MGAT4C: variants seen among roughly 807,000 people sequenced by gnomAD.
MGAT4C encodes the protein MGAT4 family member C, also known as alpha-1,3-mannosyl-glycoprotein 4-beta-N-acetylglucosaminyltransferase C.
MGAT4C carries 19 observed loss-of-function variants against 40.1 expected under a neutral mutation model. The ratio of observed to expected loss-of-function variants is 0.47; its 90% confidence interval spans 0.33 to 0.70. MGAT4C has a LOEUF of 0.70. Among genes scored for constraint, MGAT4C ranks in the 30% least tolerant of loss-of-function variants. The probability of loss-of-function intolerance (pLI) is 0.02; values close to 1 mark genes in which losing one functional copy is unlikely to be tolerated. For missense variants in MGAT4C, 491 were observed against 563.2 expected, an observed-to-expected ratio of 0.87 and a Z score of 1.30; for synonymous variants, 181 against 187.1, an observed-to-expected ratio of 0.97 and a Z score of 0.27.
intron 2 of MGAT4C, among the ~76,000 whole-genome samples, chr12:86,537,985 G>A (rs1415538045): frequency 6.6e-6 from 1 of 152,186 alleles, no homozygotes; most frequent in Admixed American, 6.5e-5. Flanking sequence ...TACTCGGGAG[G>A]CTGAGGTAGG....
chr12:86,143,611 G>T (rs747097226), intron 1 of MGAT4C, among the ~76,000 whole-genome samples: 1 of 152,090 alleles, frequency 6.6e-6, no homozygotes, highest in African/African-American at 2.4e-5. Flanking sequence ...GGTACTTAAG[G>T]TTCTTTGCTG....
chr12:86,370,397 T>C (rs1209268478), intron 3 of MGAT4C, among the ~76,000 whole-genome samples: 3 of 152,180 alleles, frequency 2.0e-5, no homozygotes, highest in East Asian at 3.9e-4. Context: ...AGTGAGTATA[T>C]ACGATGTATG....
chr12:86,817,582 C>A (rs7484519), intron 1 of MGAT4C, among the ~76,000 whole-genome samples: 18,560 of 151,284 alleles, frequency 0.12, 1,279 homozygotes, highest in Non-Finnish European at 0.15. Flanking sequence ...AGAAATAGGC[C>A]TACTAGTTTG....
intron 1 of MGAT4C, among the ~76,000 whole-genome samples, chr12:86,208,617 TA>T (rs1406341334): frequency 6.6e-6 from 1 of 152,240 alleles, no homozygotes; most frequent in East Asian, 1.9e-4. Context: ...GCTGGGTTGA[TA>T]CTGCTTTCTG....
rs766497458 is a variant in MGAT4C, at chr12:85,983,503, A to G, written c.295+20T>C. ...AAAATATTTTATGTATTCTTTATTT[A>G]AATGTTTAAGGATACTTACGCTTTC... On this transcript the variant is annotated intron_variant, in intron 4 of 4. Transcript: ENST00000611864. 5 of 1,504,974 alleles carry G rather than the reference A, an allele frequency of 3.3e-6. No individual in the cohort carries two copies. Among genetic ancestry groups the G allele is most frequent in the Non-Finnish European group, 3.5e-6 (4 of 1,127,074 alleles). The allele number at this position is 1,504,974 out of a possible 1,614,324, so 93.2% of individuals were successfully genotyped here.
intron 2 of MGAT4C, among the ~76,000 whole-genome samples, chr12:86,527,462 G>A (rs1958904071): frequency 6.6e-6 from 1 of 152,074 alleles, no homozygotes; most frequent in Non-Finnish European, 1.5e-5. Flanking sequence ...GCTCAGGCCT[G>A]CTTTGTCTAT....
intron 2 of MGAT4C, among the ~76,000 whole-genome samples, chr12:86,602,691 C>G: frequency 6.6e-6 from 1 of 152,104 alleles, no homozygotes; most frequent in African/African-American, 2.4e-5. Context: ...TTCGAGGTCT[C>G]CCTTACAAAT....
At chr12:86,530,348 C>T (rs1473719314) in intron 2 of MGAT4C, among the ~76,000 whole-genome samples, 1 of 151,778 alleles carries the variant, frequency 6.6e-6, no homozygotes. Flanking sequence ...TTCATCTATC[C>T]CCTAGGAAGA....
intron 1 of MGAT4C, among the ~76,000 whole-genome samples, chr12:86,176,087 T>C (rs1045117047): frequency 6.6e-6 from 1 of 152,192 alleles, no homozygotes; most frequent in Non-Finnish European, 1.5e-5. Flanking sequence ...GTGATGCCAA[T>C]ATAGCTGATC....
intron 2 of MGAT4C, among the ~76,000 whole-genome samples, chr12:86,619,919 A>G (rs1260904903): frequency 6.6e-6 from 1 of 152,202 alleles, no homozygotes; most frequent in African/African-American, 2.4e-5. Context: ...ACTTTAGAAT[A>G]AACCTAAATT....
intron 1 of MGAT4C, among the ~76,000 whole-genome samples, chr12:86,802,371 G>T (rs1329792658): frequency 6.6e-6 from 1 of 151,888 alleles, no homozygotes; most frequent in Non-Finnish European, 1.5e-5. Context: ...CTTTTGAGGT[G>T]CTTTAGTTAT....
chr12:86,038,540 C>CTTTATTTATTTATTTATTTA lies in MGAT4C; in HGVS notation c.-7+11114_-7+11133dup, dbSNP rs143349417. Among the ~76,000 whole-genome samples, 122 of 144,192 alleles carry CTTTATTTATTTATTTATTTA rather than the reference C, an allele frequency of 8.5e-4. 2 individuals are homozygous for CTTTATTTATTTATTTATTTA. The highest frequency in any genetic ancestry group is 2.9e-3 in the African/African-American group (115 of 39,456). The allele number at this position is 144,192 out of a possible 152,430, so 94.6% of individuals were successfully genotyped here. On this transcript the variant is annotated intron_variant, in intron 2 of 4. Coordinates refer to ENST00000611864, the MANE Select transcript of MGAT4C (RefSeq NM_001351288.2). ...TTGATCTTTATTGTTTCAACCCTTG[C>CTTTATTTATTTATTTATTTA]TTTATTTATTTATTTATTTATTTAT...
intron 4 of MGAT4C, among the ~76,000 whole-genome samples, chr12:86,304,240 C>CT (rs1242315539): frequency 5.3e-5 from 8 of 150,346 alleles, no homozygotes; most frequent in East Asian, 1.9e-4. Context: ...GGCAGATAAG[C>CT]TTTTTTTGTT....
chr12:86,176,962 T>G (rs1477540902), intron 1 of MGAT4C, among the ~76,000 whole-genome samples: 1 of 151,292 alleles, frequency 6.6e-6, no homozygotes, highest in East Asian at 1.9e-4. Context: ...AGTTATGTAA[T>G]TTCCCCAAAC....
chr12:86,222,681 T>G (rs1479597623), intron 1 of MGAT4C, among the ~76,000 whole-genome samples: 1 of 152,224 alleles, frequency 6.6e-6, no homozygotes, highest in African/African-American at 2.4e-5. Context: ...GAAACTCTAT[T>G]ATAATATTAT....
At chr12:86,837,583 A>T (rs1369536933) in intron 1 of MGAT4C, among the ~76,000 whole-genome samples, 2 of 152,068 alleles carry the variant, frequency 1.3e-5, no homozygotes, top group East Asian at 3.9e-4. Flanking sequence ...AATATACACC[A>T]TGCTCCAGGT....
intron 1 of MGAT4C, among the ~76,000 whole-genome samples, chr12:86,106,325 G>A (rs148658539): frequency 5.1e-4 from 78 of 152,144 alleles, no homozygotes; most frequent in African/African-American, 1.8e-3. Flanking sequence ...TTGTTTCTGA[G>A]ATACAGTGTC....
chr12:86,647,850 C>T (rs889401344), intron 2 of MGAT4C, among the ~76,000 whole-genome samples: 6 of 151,868 alleles, frequency 4.0e-5, no homozygotes, highest in Admixed American at 6.6e-5. Context: ...CATTTTCTCC[C>T]AGAAGTCTTC....
chr12:86,300,182 A>AT (rs1260367619), intron 4 of MGAT4C, among the ~76,000 whole-genome samples: 2 of 152,044 alleles, frequency 1.3e-5, no homozygotes, highest in Admixed American at 6.6e-5. Context: ...TGTGCATCCA[A>AT]TTTTTTTCTA....
Sources: allele counts gnomAD v4.1 joint callset (sites outside exome capture counted in the v4.1 genomes callset), GRCh38; gene constraint gnomAD v4.1.1; transcripts MANE v1.5; gene names NCBI Gene and HGNC (gene_info 2026-07-23, HGNC 2026-07-21).